The following ATP2B2 variants were observed in gnomAD, a reference collection of about 807,000 sequenced individuals.
ATP2B2 encodes the protein plasma membrane calcium-transporting ATPase 2.
In ATP2B2, 15 loss-of-function variants were observed where a neutral mutation model predicts 120.0. The observed-to-expected ratio is 0.12, with a 90% CI of 0.08 to 0.19. The LOEUF (loss-of-function observed/expected upper bound fraction) is 0.19, where lower values mean the gene tolerates loss of function less well. ATP2B2 is among the 10% of genes least tolerant of loss of function. The pLI is 1.00. For synonymous variants in ATP2B2, 694 were observed against 700.3 expected (o/e 0.99, Z 0.14); for missense variants, 1,045 against 1,719.8 (o/e 0.61, Z 6.94).
intron 1 of ATP2B2, among the ~76,000 whole-genome samples, chr3:10,647,399 G>T (rs1203602182): frequency 6.6e-6 from 1 of 152,142 alleles, no homozygotes; most frequent in African/African-American, 2.4e-5. Flanking sequence ...ATTTTGTTCG[G>T]TTTTTCTTCT....
chr3:10,350,352 C>G (rs769984003), intron 15 of ATP2B2, 46 bp downstream of exon 15: 1 of 1,613,468 alleles, frequency 6.2e-7, no homozygotes, highest in Non-Finnish European at 8.5e-7. Flanking sequence ...TCCCAGCTCC[C>G]ATCTGAGCGC....
At chr3:10,359,149 A>C (rs535064806) in intron 13 of ATP2B2, among the ~76,000 whole-genome samples, 34 of 152,316 alleles carry the variant, frequency 2.2e-4, no homozygotes, top group Admixed American at 1.8e-3. Context: ...TACTCACAAG[A>C]TTCATCTGAA....
chr3:10,463,975 G>T (rs2064616207), intron 1 of ATP2B2, among the ~76,000 whole-genome samples: 2 of 152,102 alleles, frequency 1.3e-5, no homozygotes, highest in African/African-American at 4.8e-5. Flanking sequence ...CGCTCTCCTG[G>T]CCCCAGAGCT....
intron 1 of ATP2B2, among the ~76,000 whole-genome samples, chr3:10,664,376 T>A (rs181961379): frequency 2.0e-5 from 3 of 152,200 alleles, no homozygotes; most frequent in Admixed American, 6.5e-5. Context: ...CTGCACCACA[T>A]ACCCCCTCTC....
chr3:10,546,521 G>C (rs1369122961), intron 2 of ATP2B2, among the ~76,000 whole-genome samples: 1 of 152,152 alleles, frequency 6.6e-6, no homozygotes, highest in African/African-American at 2.4e-5. Context: ...CACCCCGCTG[G>C]GGCCACTCAG....
chr3:10,385,431 T>C (rs1249342763), intron 7 of ATP2B2, 104 bp from the exon 8 acceptor site: 1 of 977,136 alleles, frequency 1.0e-6, no homozygotes, highest in African/African-American at 1.7e-5. Context: ...GACTCTATTC[T>C]TAAAAAAAAA....
At chr3:10,539,406 C>T (rs1237018109) in intron 2 of ATP2B2, among the ~76,000 whole-genome samples, 1 of 152,182 alleles carries the variant, frequency 6.6e-6, no homozygotes, top group Non-Finnish European at 1.5e-5. Flanking sequence ...AAAGAGCCCA[C>T]ATTTCTAAGA....
intron 2 of ATP2B2, among the ~76,000 whole-genome samples, chr3:10,561,572 T>C (rs939633196): frequency 3.9e-5 from 6 of 152,132 alleles, no homozygotes; most frequent in Non-Finnish European, 5.9e-5. Flanking sequence ...CCCACCCAAA[T>C]CTCATCTTGA....
chr3:10,336,411 G>A, intron 22 of ATP2B2: 2 of 1,115,534 alleles, frequency 1.8e-6, no homozygotes, highest in Non-Finnish European at 2.5e-6. Context: ...CAACGACAAT[G>A]TCACTTAAAT....
In ATP2B2 at chr3:10,356,155, C is replaced by CGTGTGT. The variant is rs911717639; in HGVS notation, c.2136+2530_2136+2535dup. Reference sequence around the variant, plus strand: ...TTGTCCTTTCCTTTGTGCGTGTGTGCGTGTGTGTGTGTGTGTGTGTGTGTG... The same window carrying CGTGTGT: ...TTGTCCTTTCCTTTGTGCGTGTGTGCGTGTGTGTGTGTGTGTGTGTGTGTGTGTGTG... On this transcript the variant is annotated intron_variant, in intron 14 of 22. Coordinates refer to ENST00000360273, the MANE Select transcript of ATP2B2 (RefSeq NM_001001331.4). Among the ~76,000 whole-genome samples, 17 of 26,512 alleles carry CGTGTGT rather than the reference C, an allele frequency of 6.4e-4. 6 individuals are homozygous for CGTGTGT. Among genetic ancestry groups the CGTGTGT allele is most frequent in the Non-Finnish European group, 9.8e-4 (14 of 14,348 alleles). The allele number at this position is 26,512 out of a possible 152,430, so 17.4% of individuals were successfully genotyped here. A position where few individuals can be genotyped will look rare whatever the true frequency, so the allele number is the denominator to read the frequency against.
At chr3:10,547,212 T>C (rs568804754) in intron 2 of ATP2B2, among the ~76,000 whole-genome samples, 1 of 152,080 alleles carries the variant, frequency 6.6e-6, no homozygotes, top group South Asian at 2.1e-4. Context: ...AGCAGTGGGC[T>C]GGGACTCAGC....
chr3:10,702,663 G>C (rs1290223962), intron 1 of ATP2B2, among the ~76,000 whole-genome samples: 1 of 152,158 alleles, frequency 6.6e-6, no homozygotes, highest in Non-Finnish European at 1.5e-5. Flanking sequence ...CTTGGGCTCT[G>C]CCCAGCACAA....
At chr3:10,561,898 T>C (rs1249975860) in intron 2 of ATP2B2, among the ~76,000 whole-genome samples, 3 of 152,180 alleles carry the variant, frequency 2.0e-5, no homozygotes, top group African/African-American at 7.2e-5. Flanking sequence ...AATAGGCTAG[T>C]ACAGTCACAG....
In ATP2B2 at chr3:10,405,196, C is replaced by G. The variant is rs533660643; in HGVS notation, c.398-2848G>C. ...GATAGATACATGGTAAAAGTTAGAC[C>G]TCTCCCCTTTTCATGAGCTTTTTTC... On this transcript the variant is annotated intron_variant, in intron 3 of 22. Coordinates refer to ENST00000360273, the MANE Select transcript of ATP2B2 (RefSeq NM_001001331.4). Among the ~76,000 whole-genome samples the G allele has an allele frequency of 3.1e-4, 47 of 152,236 alleles. 2 individuals are homozygous for G. The South Asian group carries it at 9.8e-3, about 32-fold the overall frequency.
At chr3:10,338,137 C>T (rs373218652) in intron 22 of ATP2B2, 39 bp downstream of exon 22, 20 of 1,611,836 alleles carry the variant, frequency 1.2e-5, no homozygotes, top group South Asian at 4.4e-5. Context: ...TGGCCCGCCC[C>T]GGCCAGGCCT....
chr3:10,504,563 C>T (rs534549519), intron 1 of ATP2B2, among the ~76,000 whole-genome samples: 12 of 71,012 alleles, frequency 1.7e-4, no homozygotes, highest in African/African-American at 4.4e-4. Context: ...GTCCAGAGCA[C>T]CCCCCCAACC....
intron 6 of ATP2B2, chr3:10,387,913 G>A (rs1412602120): frequency 8.8e-6 from 3 of 339,334 alleles, no homozygotes; most frequent in Admixed American, 3.9e-5. Context: ...GAAGGAATAT[G>A]CTTCCAATGG....
intron 8 of ATP2B2, among the ~76,000 whole-genome samples, chr3:10,380,061 C>T (rs2061490113): frequency 6.6e-6 from 1 of 152,196 alleles, no homozygotes; most frequent in Admixed American, 6.5e-5. Flanking sequence ...GTGCTGACCC[C>T]TTGGTAGGGG....
At chr3:10,622,112 G>C (rs573903751) in intron 1 of ATP2B2, among the ~76,000 whole-genome samples, 292 of 152,206 alleles carry the variant, frequency 1.9e-3, no homozygotes, top group African/African-American at 6.6e-3. Flanking sequence ...CCTTCCAGCC[G>C]TGCTCCAGGG....
Sources: gnomAD v4.1 joint callset for allele counts (sites outside exome capture counted in the v4.1 genomes callset) on GRCh38, gnomAD v4.1.1 for gene constraint, MANE v1.5 for transcripts, NCBI Gene and HGNC (gene_info 2026-07-23, HGNC 2026-07-21) for gene names.